SPTLC3: variants seen among roughly 807,000 people sequenced by gnomAD.
SPTLC3 encodes the protein serine palmitoyltransferase 3.
In SPTLC3, 36 loss-of-function variants were observed where a neutral mutation model predicts 59.3. The observed-to-expected ratio is 0.61, with a 90% confidence interval of 0.47 to 0.80. SPTLC3 has a LOEUF of 0.80. SPTLC3 is among the 30% of genes least tolerant of loss of function. SPTLC3 has a pLI of 0.00. For synonymous variants in SPTLC3, 257 were observed against 240.8 expected, an observed-to-expected ratio of 1.07 and a Z score of -0.62; for missense variants, 625 against 685.1, an observed-to-expected ratio of 0.91 and a Z score of 0.98.
intron 5 of SPTLC3, among the ~76,000 whole-genome samples, 183 bp from the exon 6 acceptor site, chr20:13,093,301 A>ATCCT (rs2122632923): frequency 6.6e-6 from 1 of 152,320 alleles, no homozygotes; most frequent in Non-Finnish European, 1.5e-5. Context: ...TCCCATCTCC[A>ATCCT]TCAGCTAACT....
At chr20:13,123,913 A>C (rs1220960412) in intron 8 of SPTLC3, among the ~76,000 whole-genome samples, 1 of 151,904 alleles carries the variant, frequency 6.6e-6, no homozygotes, top group Non-Finnish European at 1.5e-5. Flanking sequence ...CTCAATAGAG[A>C]AAGGCAATCC....
chr20:13,020,347 TA>T (rs112088036), intron 1 of SPTLC3, among the ~76,000 whole-genome samples: 15 of 95,074 alleles, frequency 1.6e-4, no homozygotes, highest in Admixed American at 3.6e-4. Flanking sequence ...CCCCATTTCT[TA>T]AAAAAAAAAA....
rs2037951660 is a variant in SPTLC3, at chr20:13,124,867, A to G, written c.1153-1724A>G. On this transcript the variant is annotated intron_variant, in intron 8 of 11. Transcript: ENST00000399002. ...ACTAATGAAGGAGGGTGAGGAGGACATGAACCTACCCCAAAGCAGAGGATC... is the reference window on the plus strand; with the variant it reads ...ACTAATGAAGGAGGGTGAGGAGGACGTGAACCTACCCCAAAGCAGAGGATC... 2.0e-5 allele frequency among the ~76,000 whole-genome samples: 3 copies of G among 152,240 alleles called. No homozygotes were observed. In the South Asian group the frequency reaches 6.2e-4, roughly 32 times the overall value.
intron 1 of SPTLC3, among the ~76,000 whole-genome samples, chr20:13,019,074 C>T (rs1985724027): frequency 6.6e-6 from 1 of 152,156 alleles, no homozygotes; most frequent in Admixed American, 6.6e-5. Flanking sequence ...TGAAGATCAT[C>T]TGAGCCCAGC....
intron 7 of SPTLC3, among the ~76,000 whole-genome samples, chr20:13,111,463 A>G (rs773100560): frequency 2.0e-5 from 3 of 152,222 alleles, no homozygotes; most frequent in East Asian, 1.9e-4. Flanking sequence ...CCTACGATGC[A>G]TGGGACAGCC....
At chr20:13,099,173 A>G (rs1429466679) in intron 6 of SPTLC3, among the ~76,000 whole-genome samples, 1 of 152,198 alleles carries the variant, frequency 6.6e-6, no homozygotes, top group African/African-American at 2.4e-5. Context: ...AAATGTGGAA[A>G]AGAGTGGCAA....
At chr20:13,086,543 C>T (rs6131437) in intron 4 of SPTLC3, among the ~76,000 whole-genome samples, 41,802 of 151,890 alleles carry the variant, frequency 0.28, 5,910 homozygotes, top group Middle Eastern at 0.35. Context: ...GAGTTTGGGG[C>T]TTATTGTTTT....
At position 13,166,328 on chromosome 20, in the gene SPTLC3, A is replaced by G. The variant is rs529594201; in HGVS notation, c.*1461A>G. 1.3e-5 allele frequency: 2 copies of G among 152,758 alleles called. No homozygotes were observed. Among genetic ancestry groups the G allele is most frequent in the African/African-American group, 4.8e-5 (2 of 41,586 alleles). 9.5% of individuals were successfully genotyped at this position (152,758 alleles called of 1,614,324 possible). On this transcript the variant is annotated 3_prime_UTR_variant, in exon 12 of 12. Transcript: ENST00000399002. ...CAGTGTGCCCTGATGCTCAAAGCGT[A>G]TTAAAGGAAAAAAAGTGATCAGCAT...
Position 13,160,254 on chromosome 20 carries a change from G to A in SPTLC3, c.1545+122G>A, listed in dbSNP as rs982519599. ...TTGGGTTATTTAGGAAAACAACACT[G>A]ACAAAAGTCACTGCCAAAAAACAAG... On this transcript the variant is annotated intron_variant, in intron 11 of 11. Coordinates refer to ENST00000399002, the MANE Select transcript of SPTLC3 (RefSeq NM_018327.4). 5.7e-6 allele frequency: 7 copies of A among 1,226,062 alleles called. No individual in the cohort carries two copies. In the African/African-American group the frequency reaches 1.1e-4, roughly 19 times the overall value. 75.9% of individuals were successfully genotyped at this position (1,226,062 alleles called of 1,614,324 possible).
chr20:13,133,399 C>G lies in SPTLC3; in HGVS notation c.1279+6682C>G, dbSNP rs544334455. ...TAGTCACTCTTTCCCTCCCATCAGA[C>G]ATTAATGGCTTGTGGATTTCTTGTA... On this transcript the variant is annotated intron_variant, in intron 9 of 11. Coordinates refer to ENST00000399002, the MANE Select transcript of SPTLC3 (RefSeq NM_018327.4). Among the ~76,000 whole-genome samples, 3 of 152,210 alleles carry G rather than the reference C, an allele frequency of 2.0e-5. No individual in the cohort carries two copies. The East Asian group carries it at 5.8e-4, about 29-fold the overall frequency.
intron 1 of SPTLC3, among the ~76,000 whole-genome samples, chr20:13,019,464 C>T (rs746153741): frequency 6.6e-6 from 1 of 152,060 alleles, no homozygotes; most frequent in African/African-American, 2.4e-5. Flanking sequence ...TGGCTCGCCT[C>T]GATTTAATTT....
At chr20:13,117,858 A>G in intron 8 of SPTLC3, 133 bp downstream of exon 8, 1 of 802,074 alleles carries the variant, frequency 1.2e-6, no homozygotes, top group Non-Finnish European at 1.9e-6. Context: ...GCCTGGCTAC[A>G]GTGGGTTCAC....
chr20:13,066,461 T>C (rs1422894630), intron 2 of SPTLC3, among the ~76,000 whole-genome samples: 1 of 152,236 alleles, frequency 6.6e-6, no homozygotes, highest in Non-Finnish European at 1.5e-5. Context: ...TTTTGATTAC[T>C]GTACCTTTGT....
intron 1 of SPTLC3, among the ~76,000 whole-genome samples, chr20:13,013,170 A>G (rs1284902263): frequency 6.6e-6 from 1 of 152,218 alleles, no homozygotes; most frequent in Non-Finnish European, 1.5e-5. Context: ...AAGCCACATT[A>G]TTATGGAAAT....
intron 9 of SPTLC3, among the ~76,000 whole-genome samples, chr20:13,134,637 G>A (rs2038201008): frequency 1.3e-5 from 2 of 152,118 alleles, no homozygotes; most frequent in African/African-American, 4.8e-5. Flanking sequence ...AGGAGATTCT[G>A]GTGCAGGCTC....
chr20:13,090,279 A>G lies in SPTLC3; in HGVS notation c.608-804A>G, dbSNP rs1989168319. Among the ~76,000 whole-genome samples the G allele has an allele frequency of 2.0e-5, 3 of 152,232 alleles. No homozygotes were observed. In the South Asian group the frequency reaches 6.2e-4, roughly 31 times the overall value. The stretch of plus-strand genomic sequence containing the variant: ...TTTTATTGGTAACCTCTTAAGCCTC[A>G]GTTTTCTTATCTGTGAAGTAAAAAT... On this transcript the variant is annotated intron_variant, in intron 4 of 11. Coordinates refer to ENST00000399002, the MANE Select transcript of SPTLC3 (RefSeq NM_018327.4).
At chr20:13,047,889 C>T (rs149605290) in intron 1 of SPTLC3, among the ~76,000 whole-genome samples, 1 of 152,224 alleles carries the variant, frequency 6.6e-6, no homozygotes, top group African/African-American at 2.4e-5. Context: ...GCAATTTTGA[C>T]AAACCACCTT....
At chr20:13,056,987 G>A (rs187700068) in intron 2 of SPTLC3, among the ~76,000 whole-genome samples, 2 of 151,890 alleles carry the variant, frequency 1.3e-5, no homozygotes, top group East Asian at 3.9e-4. Flanking sequence ...TTATCTGCCT[G>A]CCTCAGCCTC....
At chr20:13,160,616 G>A (rs1191405913) in intron 11 of SPTLC3, among the ~76,000 whole-genome samples, 1 of 152,182 alleles carries the variant, frequency 6.6e-6, no homozygotes, top group Non-Finnish European at 1.5e-5. Context: ...ATTGTCCCTC[G>A]ATTTCCATTG....
Sources: allele counts gnomAD v4.1 joint callset (sites outside exome capture counted in the v4.1 genomes callset), GRCh38; gene constraint gnomAD v4.1.1; transcripts MANE v1.5; gene names NCBI Gene and HGNC (gene_info 2026-07-23, HGNC 2026-07-21).